Variants in TSPEAR observed in about 807,000 individuals in gnomAD.
TSPEAR encodes thrombospondin type laminin G domain and EAR repeats.
Under a neutral mutation model 71.6 loss-of-function variants are expected in TSPEAR, and 69 were observed. The ratio of observed to expected loss-of-function variants is 0.96; its 90% CI spans 0.79 to 1.18. TSPEAR has a LOEUF of 1.18. Ranked by LOEUF, TSPEAR falls within the 50% of genes most tolerant of loss-of-function variation. The probability of loss-of-function intolerance (pLI) is 0.00; values close to 1 mark genes in which losing one functional copy is unlikely to be tolerated. For synonymous variants in TSPEAR, 402 were observed against 387.2 expected (o/e 1.04, Z -0.45); for missense variants, 971 against 894.9 (o/e 1.09, Z -1.09).
rs11910294 is a variant in TSPEAR, at chr21:44,525,628, G to A, written c.1336+25C>T. The A allele has an allele frequency of 7.9e-3, 12,646 of 1,609,740 alleles. 837 individuals are homozygous for A. The African/African-American group carries it at 0.14, about 18-fold the overall frequency. ...TCTGCCCCTGGAATGGTTGCCTCCC[G>A]GTGTGAAGGCCACTCCTGCCCTACC... On this transcript the variant is annotated intron_variant, in intron 8 of 11. Coordinates refer to ENST00000323084, the MANE Select transcript of TSPEAR (RefSeq NM_144991.3).
chr21:44,709,548 A>T (rs575152493), intron 1 of TSPEAR, among the ~76,000 whole-genome samples: 1 of 152,244 alleles, frequency 6.6e-6, no homozygotes, highest in Non-Finnish European at 1.5e-5. Flanking sequence ...GAGAAGGCGC[A>T]TGGGCCCCGT....
At chr21:44,656,010 G>C (rs1569243755) in intron 1 of TSPEAR, among the ~76,000 whole-genome samples, 1 of 152,152 alleles carries the variant, frequency 6.6e-6, no homozygotes, top group African/African-American at 2.4e-5. Context: ...GAAGTCTATG[G>C]ACCCAGAGCC....
At chr21:44,517,557 A>C (rs1354203720) in intron 9 of TSPEAR, 5 of 346,270 alleles carry the variant, frequency 1.4e-5, no homozygotes, top group African/African-American at 1.1e-4. Flanking sequence ...GGGACATGTG[A>C]CTGGCACTGG....
rs191060368 is a variant in TSPEAR, at chr21:44,501,653, G to A, written c.1857-1717C>T. On this transcript the variant is annotated intron_variant, in intron 11 of 11. Transcript: ENST00000323084. ...GTTGGCCCATGCCTGTGGTCCCAGC[G>A]ACTAGGGAGGCTGAGGTGGGAGGAT... Among the ~76,000 whole-genome samples, 26 of 152,220 alleles carry A rather than the reference G, an allele frequency of 1.7e-4. No homozygotes were observed. The East Asian group carries it at 3.3e-3, about 19-fold the overall frequency.
In TSPEAR at chr21:44,647,945, C is replaced by A. The variant is rs146297452; in HGVS notation, c.82+63488G>T. Among the ~76,000 whole-genome samples the A allele has an allele frequency of 3.5e-3, 526 of 152,352 alleles. 2 individuals carry two copies. Among genetic ancestry groups the A allele is most frequent in the African/African-American group, 0.012 (506 of 41,576 alleles). On this transcript the variant is annotated intron_variant, in intron 1 of 11. Transcript: ENST00000323084. ...GCCACCCGCCCATGCCTGTCCCCTG[C>A]CAGTCCAAGCTAAAGCTGAGTCGGG... is the stretch of plus-strand genomic sequence containing the variant.
At chr21:44,525,629 G>C in intron 8 of TSPEAR, 24 bp downstream of exon 8, 2 of 1,610,414 alleles carry the variant, frequency 1.2e-6, no homozygotes, top group African/African-American at 1.3e-5. Context: ...TTGCCTCCCG[G>C]TGTGAAGGCC....
intron 2 of TSPEAR, among the ~76,000 whole-genome samples, chr21:44,565,552 T>A (rs1248108820): frequency 6.6e-6 from 1 of 152,206 alleles, no homozygotes; most frequent in South Asian, 2.1e-4. Flanking sequence ...GGATACAAGA[T>A]TGGTTTAATA....
At chr21:44,708,023 A>G (rs969890225) in intron 1 of TSPEAR, among the ~76,000 whole-genome samples, 20 of 134,174 alleles carry the variant, frequency 1.5e-4, no homozygotes, top group South Asian at 8.1e-4. Context: ...ACACACACAC[A>G]CACACACACA....
intron 1 of TSPEAR, among the ~76,000 whole-genome samples, chr21:44,575,541 C>T (rs1372058689): frequency 6.6e-6 from 1 of 152,188 alleles, no homozygotes; most frequent in African/African-American, 2.4e-5. Context: ...GCCTTGCAGC[C>T]CTTTGGCCAT....
chr21:44,537,931 T>C (rs1409557171), intron 2 of TSPEAR, among the ~76,000 whole-genome samples: 1 of 152,142 alleles, frequency 6.6e-6, no homozygotes, highest in Non-Finnish European at 1.5e-5. Flanking sequence ...GGCAGGGAGC[T>C]GAGAGCAGAT....
rs571594096 is a variant in TSPEAR at position 44,687,459 on chromosome 21, C to T, written c.82+23974G>A. On this transcript the variant is annotated intron_variant, in intron 1 of 11. Transcript: ENST00000323084. The surrounding 1 kb of genome is among the most constrained non-coding windows in gnomAD (Gnocchi z 4.4). ...GCGGAATCCACACCAGCACTGAGGGCGGCATTGCTTACGCACACGGCAACA... is the reference window on the plus strand; with the variant it reads ...GCGGAATCCACACCAGCACTGAGGGTGGCATTGCTTACGCACACGGCAACA... 1.1e-3 allele frequency among the ~76,000 whole-genome samples: 173 copies of T among 152,312 alleles called. No homozygotes were observed. Among genetic ancestry groups the T allele is most frequent in the South Asian group, 8.9e-3 (43 of 4,820 alleles).
chr21:44,563,616 A>G (rs2053667672), intron 2 of TSPEAR, among the ~76,000 whole-genome samples: 1 of 152,190 alleles, frequency 6.6e-6, no homozygotes, highest in Non-Finnish European at 1.5e-5. Flanking sequence ...CCACAGAACC[A>G]TATAAAACAT....
At chr21:44,515,182 C>T (rs2052525095) in intron 9 of TSPEAR, among the ~76,000 whole-genome samples, 1 of 152,338 alleles carries the variant, frequency 6.6e-6, no homozygotes, top group East Asian at 1.9e-4. Context: ...ATCTCTAGGA[C>T]CTAAAAGGAT....
chr21:44,529,779 G>A lies in TSPEAR; in HGVS notation c.790+19C>T, dbSNP rs587654254. On this transcript the variant is annotated intron_variant, in intron 5 of 11. Transcript: ENST00000323084. ...TCGCATCTGCCTTTGGTGTGGGGGC[G>A]GGTGGCCCCCCTACTAACCATAGGG... The A allele has an allele frequency of 2.7e-5, 44 of 1,613,010 alleles. No individual in the cohort carries two copies. The highest frequency in any genetic ancestry group is 2.5e-4 in the African/African-American group (19 of 75,038).
chr21:44,566,897 T>C (rs1176053915), intron 2 of TSPEAR, among the ~76,000 whole-genome samples: 2 of 152,138 alleles, frequency 1.3e-5, no homozygotes, highest in African/African-American at 4.8e-5. Context: ...ACCAAAAGTA[T>C]AAAACTCTTA....
At chr21:44,514,090 C>G (rs587718067) in intron 9 of TSPEAR, among the ~76,000 whole-genome samples, 4 of 152,222 alleles carry the variant, frequency 2.6e-5, no homozygotes, top group Admixed American at 2.6e-4. Flanking sequence ...AGACAGAAGT[C>G]ATGGGGCATA....
At chr21:44,514,588 A>C (rs147232708) in intron 9 of TSPEAR, among the ~76,000 whole-genome samples, 17 of 152,250 alleles carry the variant, frequency 1.1e-4, no homozygotes, top group Middle Eastern at 3.4e-3. Context: ...CAGCAAACTC[A>C]CTTAGAAGCC....
At chr21:44,618,943 T>C (rs1982277240) in intron 1 of TSPEAR, among the ~76,000 whole-genome samples, 1 of 152,152 alleles carries the variant, frequency 6.6e-6, no homozygotes, top group Non-Finnish European at 1.5e-5. Flanking sequence ...ATAAGGGAGT[T>C]AGAAGGTTCC....
At chr21:44,551,494 G>A (rs782688337) in intron 2 of TSPEAR, 2 of 1,560,558 alleles carry the variant, frequency 1.3e-6, no homozygotes, top group South Asian at 2.5e-5. Context: ...GGGGAGGTGT[G>A]TGAGTGAGTG....
Sources: allele counts gnomAD v4.1 joint callset (sites outside exome capture counted in the v4.1 genomes callset), GRCh38; gene constraint gnomAD v4.1.1; non-coding constraint Gnocchi (gnomAD v3.1); transcripts MANE v1.5; gene names NCBI Gene and HGNC (gene_info 2026-07-23, HGNC 2026-07-21).